Variants in PCDHGA1 observed in about 807,000 individuals in gnomAD.
PCDHGA1 encodes protocadherin gamma-A1.
PCDHGA1 carries 32 observed loss-of-function variants against 58.0 expected under a neutral mutation model. That is an observed-to-expected ratio of 0.55 (90% CI 0.42 to 0.74). The LOEUF (loss-of-function observed/expected upper bound fraction) is 0.74. PCDHGA1 is among the 30% of genes least tolerant of loss of function. The pLI is 0.00. For synonymous variants in PCDHGA1, 498 were observed against 501.1 expected, an observed-to-expected ratio of 0.99 and a Z score of 0.08; for missense variants, 1,205 against 1,182.3, an observed-to-expected ratio of 1.02 and a Z score of -0.28.
chr5:141,418,370 C>G (rs910813828), intron 1 of PCDHGA1: 1 of 1,613,822 alleles, frequency 6.2e-7, no homozygotes, highest in African/African-American at 1.3e-5. Flanking sequence ...GAGCAAATAC[C>G]AACTAAGTCC....
intron 2 of PCDHGA1, among the ~76,000 whole-genome samples, chr5:141,495,968 CTGTTACTCTTTCTT>C (rs1033811907): frequency 6.6e-6 from 1 of 152,126 alleles, no homozygotes; most frequent in African/African-American, 2.4e-5. Context: ...GCCTCTTTCT[CTGTTACTCTTTCTT>C]TATCTCTCTT....
chr5:141,456,122 C>A (rs1411002229), intron 1 of PCDHGA1, among the ~76,000 whole-genome samples: 1 of 152,176 alleles, frequency 6.6e-6, no homozygotes, highest in East Asian at 1.9e-4. Context: ...TGGTCTCCAT[C>A]TCCTGACCTC....
intron 1 of PCDHGA1, chr5:141,365,877 C>G (rs1764180285): frequency 1.2e-6 from 2 of 1,614,008 alleles, no homozygotes; most frequent in East Asian, 4.5e-5. Context: ...GTCCTGTATG[C>G]TCTGAGATCC....
chr5:141,378,005 T>G (rs1425146532), intron 1 of PCDHGA1: 7 of 152,232 alleles, frequency 4.6e-5, no homozygotes, highest in Admixed American at 4.6e-4. Flanking sequence ...TTGGCTCAAA[T>G]AAGCTCTACT....
intron 1 of PCDHGA1, chr5:141,370,123 T>C (rs776466728): frequency 5.1e-6 from 2 of 388,722 alleles, no homozygotes; most frequent in Non-Finnish European, 9.1e-6. Flanking sequence ...TAGCTCCTTA[T>C]TTGGAGCTGA....
rs546148338 is a variant in PCDHGA1 at position 141,332,179 on chromosome 5, G to T, written c.1495G>T (p.Ala499Ser). 2 of 1,614,176 alleles carry T rather than the reference G, an allele frequency of 1.2e-6. No homozygotes were observed. Among genetic ancestry groups the T allele is most frequent in the Middle Eastern group, 1.6e-4 (1 of 6,062 alleles). Reference protein sequence around the residue: ...YSLIEDTIQGAPLSAYLSINS... With the variant: ...YSLIEDTIQGSPLSAYLSINS... Reference sequence around the variant, plus strand: ...CCTAATAGAGGACACTATCCAGGGGGCACCCCTATCTGCCTACCTCTCCAT... The same window carrying T: ...CCTAATAGAGGACACTATCCAGGGGTCACCCCTATCTGCCTACCTCTCCAT... Residue 499 changes from alanine (A) to serine (S), a missense_variant, in exon 1 of 4, where the codon GCA (alanine) becomes TCA (serine). By Grantham distance (99) the Ala-to-Ser change is moderately conservative. Transcript: ENST00000517417. This position sits in a 1 kb window ranked among gnomAD's most constrained non-coding sequence, Gnocchi z 4.6.
At chr5:141,422,287 A>G in intron 1 of PCDHGA1, 3 of 1,553,500 alleles carry the variant, frequency 1.9e-6, no homozygotes, top group South Asian at 1.3e-5. Context: ...CACCTCTTCT[A>G]TTAATTCAAT....
chr5:141,394,347 G>C (rs770737407), intron 1 of PCDHGA1: 1 of 1,614,118 alleles, frequency 6.2e-7, no homozygotes, highest in Non-Finnish European at 8.5e-7. Flanking sequence ...CTCTGACACC[G>C]GTGTCCTGTA....
chr5:141,413,838 G>A, intron 1 of PCDHGA1: 1 of 1,613,284 alleles, frequency 6.2e-7, no homozygotes, highest in Non-Finnish European at 8.5e-7. Context: ...CCTCCGACGG[G>A]GGTGACCCTC....
intron 1 of PCDHGA1, chr5:141,412,984 C>G: frequency 1.8e-6 from 1 of 558,874 alleles, no homozygotes; most frequent in Non-Finnish European, 3.0e-6. Flanking sequence ...GCAGCCAGAG[C>G]TCAATCCGGA....
At chr5:141,421,213 G>C (rs916345810) in intron 1 of PCDHGA1, 3 of 1,548,472 alleles carry the variant, frequency 1.9e-6, no homozygotes, top group Admixed American at 4.1e-5. Context: ...GCGGAATATC[G>C]GCTTAGAGCC....
intron 1 of PCDHGA1, chr5:141,426,612 G>A (rs2096947310): frequency 2.6e-6 from 1 of 384,602 alleles, no homozygotes; most frequent in Non-Finnish European, 5.3e-6. Flanking sequence ...GATTGTAGCA[G>A]AGAATCCTCT....
At chr5:141,384,276 C>T (rs1333595693) in intron 1 of PCDHGA1, 1 of 1,613,888 alleles carries the variant, frequency 6.2e-7, no homozygotes, top group South Asian at 1.1e-5. Context: ...CCTACTCAGT[C>T]TACATCGCTG....
chr5:141,362,348 G>A (rs761668802), intron 1 of PCDHGA1: 18 of 1,613,904 alleles, frequency 1.1e-5, no homozygotes, highest in Admixed American at 1.7e-5. Context: ...CCTGGACCTG[G>A]GGTTCTCCCC....
At chr5:141,371,373 C>T in intron 1 of PCDHGA1, 1 of 1,613,972 alleles carries the variant, frequency 6.2e-7, no homozygotes, top group Non-Finnish European at 8.5e-7. Context: ...TGGTGGACAT[C>T]ACACTGCATA....
intron 1 of PCDHGA1, chr5:141,404,899 T>C (rs768489392): frequency 6.2e-7 from 1 of 1,613,718 alleles, no homozygotes; most frequent in East Asian, 2.2e-5. Flanking sequence ...TACAGGACCA[T>C]GGCCAGCCCC....
intron 1 of PCDHGA1, among the ~76,000 whole-genome samples, chr5:141,438,593 T>C (rs982159150): frequency 4.1e-5 from 3 of 73,984 alleles, no homozygotes; most frequent in Non-Finnish European, 5.5e-5. Flanking sequence ...CATACATACA[T>C]ATATATATAT....
At chr5:141,383,257 G>C in intron 1 of PCDHGA1, 1 of 1,613,922 alleles carries the variant, frequency 6.2e-7, no homozygotes, top group Non-Finnish European at 8.5e-7. Flanking sequence ...TTACCCTATA[G>C]ACGTGGAAAT....
In PCDHGA1 at chr5:141,332,122, G is replaced by T. The variant is rs767395883; in HGVS notation, c.1438G>T (p.Asp480Tyr). The change falls in exon 1 of 4, where the codon GAC becomes TAC. Residue 480 changes from aspartate to tyrosine, a missense_variant. Physicochemically the swap from Asp to Tyr is radical, Grantham distance 160. Transcript: ENST00000517417. This position sits in a 1 kb window ranked among gnomAD's most constrained non-coding sequence, Gnocchi z 4.6. Reference sequence around the variant, plus strand: ...CTTCTCTGTGAGGGCCCACGACTTGGACAGCAATGAGAATGCACAAATCAC... The same window carrying T: ...CTTCTCTGTGAGGGCCCACGACTTGTACAGCAATGAGAATGCACAAATCAC... ...SIFSVRAHDL[D>Y]SNENAQITYS... 3.7e-6 allele frequency: 6 copies of T among 1,613,982 alleles called. No individual in the cohort carries two copies. In the African/African-American group the frequency reaches 8.0e-5, roughly 22 times the overall value.
Sources: gnomAD v4.1 joint callset for allele counts (sites outside exome capture counted in the v4.1 genomes callset) on GRCh38, gnomAD v4.1.1 for gene constraint, Gnocchi (gnomAD v3.1) non-coding constraint, MANE v1.5 for transcripts, NCBI Gene and HGNC (gene_info 2026-07-23, HGNC 2026-07-21) for gene names.